COMMD10: variants seen among roughly 807,000 people sequenced by gnomAD.
COMMD10 encodes the protein COMM domain-containing protein 10.
Under a neutral mutation model 28.9 loss-of-function variants are expected in COMMD10, and 33 were observed. The ratio of observed to expected loss-of-function variants is 1.14; its 90% confidence interval spans 0.87 to 1.53. The LOEUF (loss-of-function observed/expected upper bound fraction) is 1.53. Among genes scored for constraint, COMMD10 ranks in the 40% most tolerant of loss-of-function variants. The pLI, the probability that COMMD10 is intolerant of heterozygous loss-of-function variation, is 0.00. For missense variants in COMMD10, 310 were observed against 233.4 expected, an observed-to-expected ratio of 1.33 and a Z score of -2.14; for synonymous variants, 110 against 81.7, an observed-to-expected ratio of 1.35 and a Z score of -1.87.
At chr5:116,291,171 A>G (rs1375394805) in intron 5 of COMMD10, among the ~76,000 whole-genome samples, 1 of 152,180 alleles carries the variant, frequency 6.6e-6, no homozygotes, top group Non-Finnish European at 1.5e-5. Context: ...AATGGTATTT[A>G]CTAGATTTCA....
At chr5:116,171,874 G>A (rs1460584100) in intron 5 of COMMD10, among the ~76,000 whole-genome samples, 2 of 152,142 alleles carry the variant, frequency 1.3e-5, no homozygotes, top group Non-Finnish European at 2.9e-5. Context: ...AATACCTAAT[G>A]TAGATGACGG....
rs143481264 is a variant in COMMD10 at position 116,164,022 on chromosome 5, T to C, written c.510+29844T>C. ...TTGTGTAACTATTTTCCTTAGTCAA[T>C]ATAACACTCTGAGGCCAGGCCTGGT... On this transcript the variant is annotated intron_variant, in intron 5 of 6. Transcript: ENST00000274458. 4.1e-3 allele frequency among the ~76,000 whole-genome samples: 618 copies of C among 152,170 alleles called. 1 individual carries two copies. The highest frequency in any genetic ancestry group is 5.8e-3 in the Non-Finnish European group (392 of 67,994).
At chr5:116,146,510 A>C (rs1752356052) in intron 5 of COMMD10, among the ~76,000 whole-genome samples, 1 of 151,874 alleles carries the variant, frequency 6.6e-6, no homozygotes. Flanking sequence ...CAGAGTAAAG[A>C]TGTCTAGATT....
chr5:116,119,026 T>C (rs1434661178), intron 4 of COMMD10, among the ~76,000 whole-genome samples: 2 of 152,218 alleles, frequency 1.3e-5, no homozygotes, highest in African/African-American at 4.8e-5. Flanking sequence ...GTGTTGCCAA[T>C]TGTGAGAACA....
chr5:116,194,956 G>C (rs1229967681), intron 5 of COMMD10, among the ~76,000 whole-genome samples: 1 of 152,086 alleles, frequency 6.6e-6, no homozygotes, highest in South Asian at 2.1e-4. Context: ...ATATCAAAAA[G>C]ATAATCCACT....
chr5:116,097,048 A>G (rs1186315876), intron 4 of COMMD10, among the ~76,000 whole-genome samples: 2 of 152,014 alleles, frequency 1.3e-5, no homozygotes, highest in Non-Finnish European at 2.9e-5. Context: ...ATAGTAAATT[A>G]CTTTTTAGTG....
intron 5 of COMMD10, among the ~76,000 whole-genome samples, chr5:116,234,386 G>GA (rs1246595079): frequency 1.3e-5 from 2 of 152,066 alleles, no homozygotes; most frequent in African/African-American, 2.4e-5. Context: ...GCAATGAAAA[G>GA]AAAAAAATTT....
chr5:116,103,891 T>C (rs1390093874), intron 4 of COMMD10, among the ~76,000 whole-genome samples: 2 of 152,220 alleles, frequency 1.3e-5, no homozygotes, highest in Non-Finnish European at 2.9e-5. Context: ...CCCAGCACCA[T>C]TTATTACATA....
chr5:116,144,305 A>G (rs1380906508), intron 5 of COMMD10, among the ~76,000 whole-genome samples: 1 of 151,924 alleles, frequency 6.6e-6, no homozygotes, highest in African/African-American at 2.4e-5. Context: ...TTAGGGGTGA[A>G]TCATGTCACA....
intron 5 of COMMD10, among the ~76,000 whole-genome samples, chr5:116,275,715 A>G (rs1018652746): frequency 6.6e-6 from 1 of 151,740 alleles, no homozygotes; most frequent in Non-Finnish European, 1.5e-5. Context: ...CACTCAAAGT[A>G]AGTATATAAT....
At chr5:116,179,302 A>G (rs959706150) in intron 5 of COMMD10, among the ~76,000 whole-genome samples, 5 of 152,156 alleles carry the variant, frequency 3.3e-5, no homozygotes, top group Admixed American at 2.6e-4. Context: ...ATAATCTAAT[A>G]TCTCATTTTA....
intron 5 of COMMD10, among the ~76,000 whole-genome samples, chr5:116,279,992 T>C (rs963681256): frequency 2.0e-5 from 3 of 151,876 alleles, no homozygotes; most frequent in African/African-American, 7.3e-5. Context: ...TATCTTGATA[T>C]ACAGGTGAAA....
intron 5 of COMMD10, among the ~76,000 whole-genome samples, chr5:116,205,036 T>C (rs1046480191): frequency 6.6e-6 from 1 of 152,190 alleles, no homozygotes; most frequent in African/African-American, 2.4e-5. Flanking sequence ...TAAATGAGAC[T>C]AGTAAAATGA....
intron 5 of COMMD10, among the ~76,000 whole-genome samples, chr5:116,150,994 T>G (rs369491649): frequency 0.086 from 12,987 of 151,696 alleles, 1,099 homozygotes; most frequent in African/African-American, 0.21. Context: ...TGGCTGTGGG[T>G]TTGTCATAGA....
intron 5 of COMMD10, among the ~76,000 whole-genome samples, chr5:116,194,664 T>C (rs1356401468): frequency 6.6e-6 from 1 of 152,030 alleles, no homozygotes; most frequent in Non-Finnish European, 1.5e-5. Flanking sequence ...AGCAGTGAGA[T>C]TGAAATGGTA....
intron 4 of COMMD10, among the ~76,000 whole-genome samples, chr5:116,093,108 T>A (rs1750352651): frequency 6.6e-6 from 1 of 152,222 alleles, no homozygotes; most frequent in Admixed American, 6.5e-5. Context: ...GTATGGGCCC[T>A]GACTTAAGTT....
At chr5:116,116,410 G>C (rs1751235173) in intron 4 of COMMD10, among the ~76,000 whole-genome samples, 2 of 152,184 alleles carry the variant, frequency 1.3e-5, no homozygotes, top group African/African-American at 4.8e-5. Context: ...ACTTTATGCA[G>C]CTAAAGCTTG....
intron 5 of COMMD10, among the ~76,000 whole-genome samples, chr5:116,259,552 G>T (rs1044874375): frequency 3.3e-5 from 5 of 151,110 alleles, no homozygotes; most frequent in Non-Finnish European, 5.9e-5. Context: ...GTTGTTTGTT[G>T]TTTGTTGAAT....
At chr5:116,094,917 A>C (rs1750418750) in intron 4 of COMMD10, among the ~76,000 whole-genome samples, 1 of 152,216 alleles carries the variant, frequency 6.6e-6, no homozygotes, top group Non-Finnish European at 1.5e-5. Context: ...TAAGCTAGAC[A>C]CAGACAAATA....
Sources: allele counts gnomAD v4.1 joint callset (sites outside exome capture counted in the v4.1 genomes callset), GRCh38; gene constraint gnomAD v4.1.1; transcripts MANE v1.5; gene names NCBI Gene and HGNC (gene_info 2026-07-23, HGNC 2026-07-21).